CAMK1D: variants seen among roughly 807,000 people sequenced by gnomAD.
CAMK1D encodes the protein calcium/calmodulin-dependent protein kinase type 1D.
A neutral mutation model predicts 47.7 loss-of-function variants in CAMK1D; 9 were observed. That is an observed-to-expected ratio of 0.19 (90% CI 0.11 to 0.33). The LOEUF (loss-of-function observed/expected upper bound fraction) is 0.33, where lower values mean the gene tolerates loss of function less well. Among genes scored for constraint, CAMK1D ranks in the 10% least tolerant of loss-of-function variants. The pLI, the probability that CAMK1D is intolerant of heterozygous loss-of-function variation, is 1.00. For missense variants in CAMK1D, 291 were observed against 488.7 expected, an observed-to-expected ratio of 0.60 and a Z score of 3.81; for synonymous variants, 184 against 184.9, an observed-to-expected ratio of 0.99 and a Z score of 0.04.
chr10:12,670,780 C>T (rs1205165055), intron 3 of CAMK1D, among the ~76,000 whole-genome samples: 2 of 152,104 alleles, frequency 1.3e-5, no homozygotes, highest in Admixed American at 6.6e-5. Flanking sequence ...AACTCCTGAC[C>T]TCAGGTGATC....
intron 3 of CAMK1D, among the ~76,000 whole-genome samples, chr10:12,696,873 G>C (rs1183027828): frequency 6.6e-6 from 1 of 152,196 alleles, no homozygotes; most frequent in East Asian, 1.9e-4. Context: ...CACAGTTCAT[G>C]CTTAGAAACT....
intron 3 of CAMK1D, among the ~76,000 whole-genome samples, chr10:12,758,079 G>C: frequency 6.6e-6 from 1 of 151,956 alleles, no homozygotes; most frequent in East Asian, 1.9e-4. Context: ...TTGAGCTCCT[G>C]ACCTCAGGTG....
chr10:12,606,206 A>G (rs370855759), intron 2 of CAMK1D, among the ~76,000 whole-genome samples: 21 of 150,276 alleles, frequency 1.4e-4, no homozygotes, highest in African/African-American at 5.2e-4. Context: ...CAGGGGAGGG[A>G]GCGCGGGGCC....
chr10:12,816,478 CCA>C (rs1564584059), intron 8 of CAMK1D, 150 bp downstream of exon 8: 1 of 652,188 alleles, frequency 1.5e-6, no homozygotes, highest in East Asian at 2.8e-5. Context: ...CCTCCTCTCC[CCA>C]AGCCAACATT....
intron 1 of CAMK1D, among the ~76,000 whole-genome samples, chr10:12,454,197 C>T (rs1377145350): frequency 6.6e-6 from 1 of 152,192 alleles, no homozygotes; most frequent in Non-Finnish European, 1.5e-5. Context: ...GAGTCTCGCT[C>T]TGTCACTCAG....
In CAMK1D at chr10:12,694,966, GTAAA is replaced by G. The variant is rs1044636024; in HGVS notation, c.299+28170_299+28173del. 2.6e-4 allele frequency among the ~76,000 whole-genome samples: 39 copies of G among 151,814 alleles called. 1 individual carries two copies. The highest frequency in any genetic ancestry group is 3.4e-4 in the Non-Finnish European group (23 of 67,966). ...ACACTCAGGTATAAAAAATAAGTAAGTAAATAAATAAATAAATCCTCGTTGGAGT... is the reference window on the plus strand; with the variant it reads ...ACACTCAGGTATAAAAAATAAGTAAGTAAATAAATAAATCCTCGTTGGAGT... On this transcript the variant is annotated intron_variant, in intron 3 of 10. Coordinates refer to ENST00000619168, the MANE Select transcript of CAMK1D (RefSeq NM_153498.4).
At chr10:12,790,629 C>T (rs1201520899) in intron 5 of CAMK1D, among the ~76,000 whole-genome samples, 1 of 143,204 alleles carries the variant, frequency 7.0e-6, no homozygotes, top group Non-Finnish European at 1.5e-5. Context: ...ACACACTCAC[C>T]CACACACCCC....
chr10:12,646,953 T>C (rs1457565886), intron 2 of CAMK1D, among the ~76,000 whole-genome samples: 1 of 151,222 alleles, frequency 6.6e-6, no homozygotes, highest in Non-Finnish European at 1.5e-5. Context: ...GTGATTCTCC[T>C]ACCTTAGCAT....
chr10:12,463,124 C>G (rs1030625493), intron 1 of CAMK1D, among the ~76,000 whole-genome samples: 1 of 149,776 alleles, frequency 6.7e-6, no homozygotes, highest in African/African-American at 2.5e-5. Context: ...AAAATAAGCT[C>G]TAAGAGTTTT....
chr10:12,380,666 C>T (rs373022289), intron 1 of CAMK1D, among the ~76,000 whole-genome samples: 1 of 152,148 alleles, frequency 6.6e-6, no homozygotes, highest in Admixed American at 6.6e-5. Context: ...ACCATCCTGG[C>T]TAACACGGTG....
intron 3 of CAMK1D, among the ~76,000 whole-genome samples, chr10:12,734,514 A>G (rs112820898): frequency 1.1e-3 from 154 of 145,154 alleles, no homozygotes; most frequent in African/African-American, 3.4e-3. Flanking sequence ...ACACACATAT[A>G]TATACACGTA....
intron 1 of CAMK1D, among the ~76,000 whole-genome samples, chr10:12,361,824 C>T (rs933605006): frequency 4.0e-5 from 6 of 151,814 alleles, no homozygotes; most frequent in East Asian, 1.9e-4. Flanking sequence ...CCAAAGTGCT[C>T]GGATTACAGG....
At chr10:12,652,046 T>C (rs1384333118) in intron 2 of CAMK1D, among the ~76,000 whole-genome samples, 1 of 152,038 alleles carries the variant, frequency 6.6e-6, no homozygotes, top group African/African-American at 2.4e-5. Flanking sequence ...CCCAAAGTGC[T>C]GGGATTACAG....
At chr10:12,536,803 A>C (rs1299502680) in intron 1 of CAMK1D, among the ~76,000 whole-genome samples, 1 of 152,158 alleles carries the variant, frequency 6.6e-6, no homozygotes, top group Non-Finnish European at 1.5e-5. Flanking sequence ...AATTGTAATT[A>C]TGTTTTCCAG....
intron 3 of CAMK1D, among the ~76,000 whole-genome samples, chr10:12,717,378 A>G: frequency 6.6e-6 from 1 of 152,184 alleles, no homozygotes; most frequent in East Asian, 1.9e-4. Flanking sequence ...TCCCAGTAAT[A>G]TATTCACTGC....
chr10:12,817,990 T>A (rs1419254105), intron 8 of CAMK1D, among the ~76,000 whole-genome samples: 1 of 152,124 alleles, frequency 6.6e-6, no homozygotes, highest in Non-Finnish European at 1.5e-5. Context: ...CGCTGGCCTG[T>A]AGTGATTGTT....
chr10:12,381,691 C>T (rs1366130787), intron 1 of CAMK1D, among the ~76,000 whole-genome samples: 5 of 152,140 alleles, frequency 3.3e-5, no homozygotes, highest in African/African-American at 1.2e-4. Flanking sequence ...TCTGAGTTCT[C>T]TGACGGTTGT....
At chr10:12,592,178 G>A (rs1049141345) in intron 2 of CAMK1D, among the ~76,000 whole-genome samples, 3 of 152,186 alleles carry the variant, frequency 2.0e-5, no homozygotes, top group Non-Finnish European at 4.4e-5. Context: ...ACACTTTAGT[G>A]TTTTCTAAAT....
chr10:12,427,541 C>G (rs1840274605), intron 1 of CAMK1D, among the ~76,000 whole-genome samples: 1 of 151,984 alleles, frequency 6.6e-6, no homozygotes, highest in Non-Finnish European at 1.5e-5. Flanking sequence ...AGGTGGGGGA[C>G]AGGTCTGGGA....
Sources: allele counts gnomAD v4.1 joint callset (sites outside exome capture counted in the v4.1 genomes callset), GRCh38; gene constraint gnomAD v4.1.1; transcripts MANE v1.5; gene names NCBI Gene and HGNC (gene_info 2026-07-23, HGNC 2026-07-21).